Variants in URI1 observed in about 807,000 individuals in gnomAD.
URI1 encodes the protein URI1 prefoldin like chaperone, also known as unconventional prefoldin RPB5 interactor 1.
URI1 carries 39 observed loss-of-function variants against 60.2 expected under a neutral mutation model. The observed-to-expected ratio is 0.65, with a 90% confidence interval of 0.50 to 0.85. The LOEUF is 0.85. Ranked by LOEUF, URI1 falls within the 40% of genes least tolerant of loss-of-function variation. The probability of loss-of-function intolerance (pLI) is 0.00; values close to 1 mark genes in which losing one functional copy is unlikely to be tolerated. For synonymous variants in URI1, 251 were observed against 236.8 expected (o/e 1.06, Z -0.55); for missense variants, 691 against 665.9 (o/e 1.04, Z -0.42).
intron 1 of URI1, among the ~76,000 whole-genome samples, chr19:29,953,694 T>TC (rs988336656): frequency 6.6e-6 from 1 of 151,500 alleles, no homozygotes; most frequent in African/African-American, 2.4e-5. Context: ...CTTATTAGTT[T>TC]TTTTTTTTTA....
intron 4 of URI1, among the ~76,000 whole-genome samples, chr19:30,001,998 C>T (rs1385924744): frequency 6.6e-6 from 1 of 151,956 alleles, no homozygotes; most frequent in African/African-American, 2.4e-5. Context: ...CACCAGGGGG[C>T]ACGTCCTGTT....
chr19:29,951,664 A>G (rs1382096006), intron 1 of URI1, among the ~76,000 whole-genome samples: 3 of 151,350 alleles, frequency 2.0e-5, no homozygotes, highest in African/African-American at 7.3e-5. Context: ...CTCCTGCCTC[A>G]GCCTCCCAAG....
Position 30,014,805 on chromosome 19 carries a change from G to T in URI1, c.1426-82G>T. On this transcript the variant is annotated intron_variant, in intron 10 of 10. Coordinates refer to ENST00000392271, the MANE Select transcript of URI1 (RefSeq NM_003796.3). ...CTCGTGAATTTACTTTTAATGAAAAGAATTGCCAAATGAGTGAATGGGAAG... is the reference window on the plus strand; with the variant it reads ...CTCGTGAATTTACTTTTAATGAAAATAATTGCCAAATGAGTGAATGGGAAG... 5.1e-6 allele frequency: 7 copies of T among 1,366,036 alleles called. No homozygotes were observed. In the South Asian group the frequency reaches 8.4e-5, roughly 16 times the overall value. 84.6% of individuals were successfully genotyped at this position (1,366,036 alleles called of 1,614,324 possible). A position where few individuals can be genotyped will look rare whatever the true frequency, so the allele number is the denominator to read the frequency against.
In URI1 at chr19:30,015,750, C is replaced by A. The variant is rs755630873; in HGVS notation, c.*681C>A. ...GATTCAAAATTGAGTACAGATATGT[C>A]CTTGATTCATATGTATGCTACATGT... On this transcript the variant is annotated 3_prime_UTR_variant, in exon 11 of 11. Coordinates refer to ENST00000392271, the MANE Select transcript of URI1 (RefSeq NM_003796.3). 1.6e-6 allele frequency: 1 copy of A among 636,890 alleles called. No homozygotes were observed. The highest frequency in any genetic ancestry group is 2.7e-6 in the Non-Finnish European group (1 of 375,562). The allele number at this position is 636,890 out of a possible 1,614,324, so 39.5% of individuals were successfully genotyped here. A position where few individuals can be genotyped will look rare whatever the true frequency, so the allele number is the denominator to read the frequency against.
intron 4 of URI1, among the ~76,000 whole-genome samples, chr19:30,001,920 G>A (rs565595928): frequency 2.1e-3 from 326 of 152,090 alleles, no homozygotes; most frequent in Middle Eastern, 6.8e-3. Flanking sequence ...CTATTTTAAA[G>A]CAGAAGTCCA....
chr19:29,992,986 TTAA>T (rs1458473839), intron 4 of URI1, among the ~76,000 whole-genome samples: 1 of 152,248 alleles, frequency 6.6e-6, no homozygotes, highest in Non-Finnish European at 1.5e-5. Context: ...TAGGATGATC[TTAA>T]TAGATTTTCC....
At chr19:29,998,858 C>T (rs1307380866) in intron 4 of URI1, among the ~76,000 whole-genome samples, 2 of 151,854 alleles carry the variant, frequency 1.3e-5, no homozygotes, top group African/African-American at 4.8e-5. Flanking sequence ...TTATTTTCTG[C>T]ATGTTTTATA....
intron 8 of URI1, 123 bp from the exon 9 acceptor site, chr19:30,010,971 A>G: frequency 9.6e-7 from 1 of 1,046,420 alleles, no homozygotes; most frequent in Non-Finnish European, 1.4e-6. Flanking sequence ...ACATCATTTC[A>G]GCATCAGAAA....
intron 2 of URI1, among the ~76,000 whole-genome samples, chr19:29,979,096 A>T (rs7255236): frequency 1.3e-5 from 2 of 151,970 alleles, no homozygotes; most frequent in African/African-American, 2.4e-5. Flanking sequence ...AATATGCTTT[A>T]GAAAGAAAAT....
At chr19:29,955,446 G>A (rs1195954027) in intron 1 of URI1, among the ~76,000 whole-genome samples, 1 of 152,100 alleles carries the variant, frequency 6.6e-6, no homozygotes, top group African/African-American at 2.4e-5. Context: ...AAGTCCTAGA[G>A]TTGGATTACT....
intron 1 of URI1, among the ~76,000 whole-genome samples, chr19:29,943,287 A>G (rs571010618): frequency 3.1e-4 from 47 of 152,284 alleles, no homozygotes; most frequent in African/African-American, 9.9e-4. Context: ...ATTTCATCGT[A>G]TAATAAATGA....
Position 30,012,332 on chromosome 19 carries a change from T to C in URI1, c.1226T>C (p.Ile409Thr). The change falls in exon 10 of 11, where the codon ATC (isoleucine) becomes ACC (threonine). Residue 409 changes from isoleucine (I) to threonine (T), a missense_variant. By Grantham distance (89) the Ile-to-Thr change is moderately conservative (BLOSUM62 -1). Transcript: ENST00000392271. ...GGAGAATATGTCCCTCGCAAATCCATCCTGAAGTCTCGAAGTAGAGAGAAT... is the reference window on the plus strand; with the variant it reads ...GGAGAATATGTCCCTCGCAAATCCACCCTGAAGTCTCGAAGTAGAGAGAAT... ...VNGEYVPRKSILKSRSRENSV... is the reference protein window; with the variant it reads ...VNGEYVPRKSTLKSRSRENSV... The C allele has an allele frequency of 2.5e-6, 4 of 1,614,164 alleles. No individual in the cohort carries two copies. Among genetic ancestry groups the C allele is most frequent in the Non-Finnish European group, 2.5e-6 (3 of 1,180,010 alleles).
rs1487126949 is a variant in URI1, at chr19:29,942,464, G to C, written c.-84G>C. 162 of 1,041,500 alleles carry C rather than the reference G, an allele frequency of 1.6e-4. No individual in the cohort carries two copies. Among genetic ancestry groups the C allele is most frequent in the Non-Finnish European group, 1.8e-4 (154 of 866,412 alleles). 64.5% of individuals were successfully genotyped at this position (1,041,500 alleles called of 1,614,324 possible). ...GCGCGGTGCCTGAGGGCGGGCGCGC[G>C]GGCGCTGGGCAACTGCCGGCCGCGC... On this transcript the variant is annotated 5_prime_UTR_variant, in exon 1 of 11. Coordinates refer to ENST00000392271, the MANE Select transcript of URI1 (RefSeq NM_003796.3).
At chr19:30,000,306 C>T (rs2055862186) in intron 4 of URI1, among the ~76,000 whole-genome samples, 1 of 151,932 alleles carries the variant, frequency 6.6e-6, no homozygotes, top group South Asian at 2.1e-4. Context: ...GGCTTCTCTC[C>T]TGATCAAAGG....
Position 30,012,382 on chromosome 19 carries a change from AG to A in URI1, c.1277del (p.Ser426ThrfsTer13), listed in dbSNP as rs1441052874. The A allele has an allele frequency of 6.2e-7, 1 of 1,614,090 alleles. No individual in the cohort carries two copies. Among genetic ancestry groups the A allele is most frequent in the African/African-American group, 1.3e-5 (1 of 74,942 alleles). On this transcript the variant is annotated frameshift_variant, in exon 10 of 11. Transcript: ENST00000392271. LOFTEE classifies it high-confidence loss of function. ...ENSVCSDTSE[S>X]SAAEFDDRRG... ...TAGTGTGTGTAGCGACACTAGTGAA[AG>A]CAGTGCTGCTGAATTTGATGATAGG... is the stretch of plus-strand genomic sequence containing the variant.
At chr19:29,978,395 CTT>C (rs2055552017) in intron 2 of URI1, among the ~76,000 whole-genome samples, 2 of 152,166 alleles carry the variant, frequency 1.3e-5, no homozygotes, top group Non-Finnish European at 2.9e-5. Context: ...AGGCAAAGGG[CTT>C]AGGGCTTACT....
intron 4 of URI1, among the ~76,000 whole-genome samples, chr19:29,992,192 C>T (rs992747662): frequency 6.6e-6 from 1 of 152,206 alleles, no homozygotes; most frequent in Non-Finnish European, 1.5e-5. Context: ...GCCTCAGCCT[C>T]CCGAGTAGTG....
At chr19:29,947,331 C>T (rs1229958827) in intron 1 of URI1, among the ~76,000 whole-genome samples, 4 of 152,172 alleles carry the variant, frequency 2.6e-5, no homozygotes, top group Admixed American at 6.5e-5. Flanking sequence ...GTTTACAGAT[C>T]CGATCTTAGA....
chr19:29,984,082 C>G (rs1172206033), intron 2 of URI1, among the ~76,000 whole-genome samples: 2 of 152,166 alleles, frequency 1.3e-5, no homozygotes, highest in African/African-American at 4.8e-5. Context: ...ATTTCATGTT[C>G]ATGATTTCAA....
Sources: allele counts gnomAD v4.1 joint callset (sites outside exome capture counted in the v4.1 genomes callset), GRCh38; gene constraint gnomAD v4.1.1; transcripts MANE v1.5; gene names NCBI Gene and HGNC (gene_info 2026-07-23, HGNC 2026-07-21).